Variants in MME observed in about 807,000 individuals in gnomAD.
The protein encoded by MME is neprilysin.
MME carries 98 observed loss-of-function variants against 113.2 expected under a neutral mutation model. That is an observed-to-expected ratio of 0.87 (90% CI 0.74 to 1.02). The LOEUF is 1.02. Ranked by LOEUF, MME falls within the 50% of genes least tolerant of loss-of-function variation. MME has a pLI of 0.00. For missense variants in MME, 836 were observed against 896.0 expected (o/e 0.93, Z 0.86); for synonymous variants, 292 against 300.6 (o/e 0.97, Z 0.30).
At position 155,167,014 on chromosome 3, in the gene MME, T is replaced by C; in HGVS notation, c.1773T>C (p.Asp591=). 1 of 1,613,618 alleles carries C rather than the reference T, an allele frequency of 6.2e-7. No individual in the cohort carries two copies. Among genetic ancestry groups the C allele is most frequent in the Non-Finnish European group, 8.5e-7 (1 of 1,179,668 alleles). The change falls in exon 18 of 23, where the codon GAT becomes GAC. Residue 591 remains aspartate (D), a synonymous_variant. Coordinates refer to ENST00000360490, the MANE Select transcript of MME (RefSeq NM_007289.4). ...VIGHEITHGF[D]DNGRNFNKDG... is the part of the protein sequence containing the mutation. ...GACACGAAATCACCCATGGCTTCGA[T>C]GACAATGGTAAAGTGCAGTTGACAT...
At chr3:155,097,442 T>TA (rs1716832078) in intron 3 of MME, among the ~76,000 whole-genome samples, 1 of 152,004 alleles carries the variant, frequency 6.6e-6, no homozygotes, top group Non-Finnish European at 1.5e-5. Context: ...TGTCCAAAAT[T>TA]AGAGAGTGAT....
intron 8 of MME, among the ~76,000 whole-genome samples, chr3:155,129,023 A>G (rs913853820): frequency 6.6e-6 from 1 of 152,198 alleles, no homozygotes; most frequent in Non-Finnish European, 1.5e-5. Context: ...TGCCTGAGGT[A>G]TATTTATACA....
chr3:155,109,362 A>G (rs1210927554), intron 3 of MME, among the ~76,000 whole-genome samples: 4 of 152,120 alleles, frequency 2.6e-5, no homozygotes, highest in Non-Finnish European at 5.9e-5. Flanking sequence ...GTGTCTGGGT[A>G]GGAGGCTGTG....
rs199907385 is a variant in MME at position 155,183,585 on chromosome 3, T to C, written c.*3126T>C. On this transcript the variant is annotated 3_prime_UTR_variant, in exon 23 of 23. Transcript: ENST00000360490. Reference sequence around the variant, plus strand: ...GTTGCCACAGCTGGAGCTCTCAAACTAAAAGACATTTGTTATTTTGGAAAG... The same window carrying C: ...GTTGCCACAGCTGGAGCTCTCAAACCAAAAGACATTTGTTATTTTGGAAAG... 5 of 152,212 alleles carry C rather than the reference T, an allele frequency of 3.3e-5. No homozygotes were observed. Among genetic ancestry groups the C allele is most frequent in the Non-Finnish European group, 7.3e-5 (5 of 68,028 alleles). 9.4% of individuals were successfully genotyped at this position (152,212 alleles called of 1,614,324 possible).
chr3:155,172,723 C>CTTTTT (rs11445808), intron 22 of MME, 111 bp downstream of exon 22: 1 of 634,492 alleles, frequency 1.6e-6, no homozygotes, highest in Non-Finnish European at 2.8e-6. Context: ...AAATTCAGTG[C>CTTTTT]TTTTTTTTTT....
At position 155,174,714 on chromosome 3, in the gene MME, G is replaced by T. The variant is rs541616540; in HGVS notation, c.2153+2102G>T. Among the ~76,000 whole-genome samples the T allele has an allele frequency of 1.7e-4, 26 of 152,034 alleles. No homozygotes were observed. The East Asian group carries it at 4.8e-3, about 28-fold the overall frequency. On this transcript the variant is annotated intron_variant, in intron 22 of 22. Coordinates refer to ENST00000360490, the MANE Select transcript of MME (RefSeq NM_007289.4). ...AAAGCTGCATCATAAAACCATATTT[G>T]CTATGTCTAACCTATTGTTGTTTTA...
intron 3 of MME, among the ~76,000 whole-genome samples, chr3:155,105,343 C>T (rs1201225418): frequency 6.6e-6 from 1 of 152,078 alleles, no homozygotes; most frequent in Non-Finnish European, 1.5e-5. Context: ...AATTTGGGTT[C>T]CTCTGCCTCT....
intron 1 of MME, among the ~76,000 whole-genome samples, chr3:155,073,493 G>C (rs1384443839): frequency 6.6e-6 from 1 of 152,100 alleles, no homozygotes; most frequent in Non-Finnish European, 1.5e-5. Flanking sequence ...GCTGTAAATA[G>C]AATGTTTTAA....
chr3:155,154,354 A>G (rs537952942), intron 16 of MME, among the ~76,000 whole-genome samples: 1 of 152,174 alleles, frequency 6.6e-6, no homozygotes, highest in African/African-American at 2.4e-5. Context: ...GGGAAGTGAC[A>G]CTGTAGTTTT....
In MME at chr3:155,163,740, C is replaced by T. The variant is rs190987154; in HGVS notation, c.1661-3162C>T. Among the ~76,000 whole-genome samples the T allele has an allele frequency of 1.3e-3, 192 of 152,072 alleles. 2 individuals are homozygous for T. The highest frequency in any genetic ancestry group is 1.4e-3 in the Non-Finnish European group (94 of 67,986). On this transcript the variant is annotated intron_variant, in intron 17 of 22. Coordinates refer to ENST00000360490, the MANE Select transcript of MME (RefSeq NM_007289.4). ...TTCAGTCTGTGTCGACTATAAATAC[C>T]TTGAGATAGTTAAATTTTCTAAATT...
At chr3:155,099,212 G>T (rs1716997637) in intron 3 of MME, among the ~76,000 whole-genome samples, 1 of 152,088 alleles carries the variant, frequency 6.6e-6, no homozygotes, top group South Asian at 2.1e-4. Flanking sequence ...ATAAGAAGAG[G>T]TGCTGGAGGG....
At chr3:155,105,764 T>G (rs1223425001) in intron 3 of MME, among the ~76,000 whole-genome samples, 1 of 152,130 alleles carries the variant, frequency 6.6e-6, no homozygotes, top group Non-Finnish European at 1.5e-5. Flanking sequence ...AAAACAAACA[T>G]TAAAGAAAGC....
At chr3:155,089,145 T>G (rs1341215059) in intron 3 of MME, among the ~76,000 whole-genome samples, 1 of 152,196 alleles carries the variant, frequency 6.6e-6, no homozygotes, top group Non-Finnish European at 1.5e-5. Context: ...ACACCAGACC[T>G]AAAGTAAAAC....
At chr3:155,106,103 G>A (rs1304786824) in intron 3 of MME, among the ~76,000 whole-genome samples, 1 of 152,094 alleles carries the variant, frequency 6.6e-6, no homozygotes, top group African/African-American at 2.4e-5. Flanking sequence ...AGCAAAAATA[G>A]GTCTCCTTAC....
chr3:155,036,842 C>G (rs1713145879), intron 1 of MME, among the ~76,000 whole-genome samples: 1 of 152,044 alleles, frequency 6.6e-6, no homozygotes, highest in African/African-American at 2.4e-5. Flanking sequence ...AACCTTTCTC[C>G]TATGCCTTTT....
chr3:155,107,860 T>A (rs966677283), intron 3 of MME, among the ~76,000 whole-genome samples: 4 of 152,208 alleles, frequency 2.6e-5, no homozygotes, highest in Non-Finnish European at 5.9e-5. Flanking sequence ...TTTTTAATGA[T>A]GATTTCACTG....
chr3:155,172,633 A>G (rs200282482), intron 22 of MME, 21 bp downstream of exon 22: 284 of 1,569,394 alleles, frequency 1.8e-4, no homozygotes, highest in Non-Finnish European at 2.3e-4. Context: ...ATGAACAGCA[A>G]TCAAGGTGCT....
In MME at chr3:155,141,913, C is replaced by A. The variant is rs73875821; in HGVS notation, c.958-78C>A. On this transcript the variant is annotated intron_variant, in intron 10 of 22. Coordinates refer to ENST00000360490, the MANE Select transcript of MME (RefSeq NM_007289.4). ...CAAGTGAATATCAAACTGATCCAAC[C>A]CTCTAACTATAACTGAATCTTGGAC... 6.9e-4 allele frequency: 1,039 copies of A among 1,500,512 alleles called. 5 individuals are homozygous for A. In the African/African-American group the frequency reaches 0.01, roughly 15 times the overall value. The allele number at this position is 1,500,512 out of a possible 1,614,324, so 92.9% of individuals were successfully genotyped here. A position where few individuals can be genotyped will look rare whatever the true frequency, so the allele number is the denominator to read the frequency against.
chr3:155,072,529 A>G (rs1345100293), intron 1 of MME, among the ~76,000 whole-genome samples: 1 of 151,852 alleles, frequency 6.6e-6, no homozygotes, highest in African/African-American at 2.4e-5. Flanking sequence ...GCAACTGGTT[A>G]TTTTGTATTC....
Sources: gnomAD v4.1 joint callset for allele counts (sites outside exome capture counted in the v4.1 genomes callset) on GRCh38, gnomAD v4.1.1 for gene constraint, MANE v1.5 for transcripts, NCBI Gene and HGNC (gene_info 2026-07-23, HGNC 2026-07-21) for gene names.